The following CPQ variants were observed in gnomAD, a reference collection of about 807,000 sequenced individuals.
CPQ encodes Ser-Met dipeptidase.
Under a neutral mutation model 45.7 loss-of-function variants are expected in CPQ, and 37 were observed. The observed-to-expected ratio is 0.81, with a 90% CI of 0.62 to 1.07. The LOEUF (loss-of-function observed/expected upper bound fraction) is 1.07, where lower values mean the gene tolerates loss of function less well. Ranked by LOEUF, CPQ falls within the 50% of genes least tolerant of loss-of-function variation. CPQ has a pLI of 0.00. For missense variants in CPQ, 537 were observed against 572.9 expected, an observed-to-expected ratio of 0.94 and a Z score of 0.64; for synonymous variants, 186 against 205.8, an observed-to-expected ratio of 0.90 and a Z score of 0.82.
intron 2 of CPQ, among the ~76,000 whole-genome samples, chr8:96,810,133 G>T (rs572341126): frequency 6.6e-6 from 1 of 152,140 alleles, no homozygotes; most frequent in Non-Finnish European, 1.5e-5. Context: ...CCTTCTCCAA[G>T]AGCCTTCCCC....
intron 6 of CPQ, among the ~76,000 whole-genome samples, chr8:97,060,214 T>A (rs904873926): frequency 1.3e-5 from 2 of 152,154 alleles, no homozygotes; most frequent in Admixed American, 1.3e-4. Flanking sequence ...TCCTTGTGTT[T>A]ATATTAGGAA....
intron 1 of CPQ, among the ~76,000 whole-genome samples, chr8:96,743,364 G>C (rs552818043): frequency 0.042 from 6,381 of 151,098 alleles, 178 homozygotes; most frequent in Middle Eastern, 0.099. Context: ...GGTTATTCTA[G>C]TTATACATTC....
At chr8:96,808,135 T>A (rs962686702) in intron 2 of CPQ, among the ~76,000 whole-genome samples, 5 of 152,206 alleles carry the variant, frequency 3.3e-5, no homozygotes, top group Non-Finnish European at 2.9e-5. Context: ...TCTATTTAGT[T>A]TTTACCAAAC....
intron 4 of CPQ, among the ~76,000 whole-genome samples, chr8:96,897,730 A>T (rs1351246427): frequency 1.3e-5 from 2 of 152,262 alleles, no homozygotes; most frequent in Middle Eastern, 3.4e-3. Context: ...AAATTCCAAA[A>T]TCCAAACATT....
At chr8:97,130,947 C>T (rs1323474929) in intron 7 of CPQ, among the ~76,000 whole-genome samples, 2 of 152,086 alleles carry the variant, frequency 1.3e-5, no homozygotes, top group Non-Finnish European at 2.9e-5. Flanking sequence ...GTTAAAGAGG[C>T]TGCGTTGAGC....
At chr8:96,983,192 C>G (rs2853262) in intron 5 of CPQ, among the ~76,000 whole-genome samples, 150,564 of 152,288 alleles carry the variant, frequency 0.99, 74,546 homozygotes, top group Middle Eastern at 1. Flanking sequence ...ATTTACATAA[C>G]TGGTATTTTC....
intron 4 of CPQ, among the ~76,000 whole-genome samples, chr8:96,888,562 G>A (rs1335809583): frequency 6.6e-6 from 1 of 152,190 alleles, no homozygotes; most frequent in African/African-American, 2.4e-5. Flanking sequence ...CAGAGTAAGG[G>A]TGTTGCTGTT....
chr8:97,075,220 C>A (rs897256444), intron 7 of CPQ, among the ~76,000 whole-genome samples: 1 of 152,128 alleles, frequency 6.6e-6, no homozygotes, highest in Admixed American at 6.5e-5. Flanking sequence ...ACTATAATGA[C>A]CCATAAAACA....
chr8:96,967,512 T>A (rs934958275), intron 5 of CPQ, among the ~76,000 whole-genome samples: 2 of 152,216 alleles, frequency 1.3e-5, no homozygotes, highest in African/African-American at 4.8e-5. Flanking sequence ...CCTAAATCAC[T>A]GTTAATTGAA....
intron 2 of CPQ, among the ~76,000 whole-genome samples, chr8:96,816,250 C>G (rs754658008): frequency 6.6e-6 from 1 of 152,100 alleles, no homozygotes; most frequent in African/African-American, 2.4e-5. Context: ...TGTTCACACA[C>G]CTTCACCAGG....
rs144253826 is a variant in CPQ, at chr8:97,024,058, G to A, written c.962-5345G>A. Among the ~76,000 whole-genome samples the A allele has an allele frequency of 1.1e-3, 164 of 152,302 alleles. 6 individuals carry two copies. In the East Asian group the frequency reaches 0.026, roughly 24 times the overall value. The stretch of plus-strand genomic sequence containing the variant: ...GTGCCAGGCTGGCTGGTCTGGAGGC[G>A]CTTCTGGAGTTGGCCTCATGCTAGT... On this transcript the variant is annotated intron_variant, in intron 5 of 7. Coordinates refer to ENST00000220763, the MANE Select transcript of CPQ (RefSeq NM_016134.4).
rs1468197476 is a variant in CPQ at position 96,814,563 on chromosome 8, A to G, written c.434-20410A>G. ...ATACAATCTGTATCTGGATGTTTGC[A>G]TTTCTCTAAATCTTGCCCTCAACAT... On this transcript the variant is annotated intron_variant, in intron 2 of 7. Coordinates refer to ENST00000220763, the MANE Select transcript of CPQ (RefSeq NM_016134.4). 3.3e-5 allele frequency among the ~76,000 whole-genome samples: 5 copies of G among 152,308 alleles called. No individual in the cohort carries two copies. In the East Asian group the frequency reaches 9.7e-4, roughly 29 times the overall value.
chr8:96,774,337 A>T (rs563754093), intron 1 of CPQ, among the ~76,000 whole-genome samples: 1 of 152,190 alleles, frequency 6.6e-6, no homozygotes, highest in African/African-American at 2.4e-5. Context: ...AGCAAAATTC[A>T]TAACCATAAT....
At chr8:96,961,468 G>T (rs1173685103) in intron 4 of CPQ, among the ~76,000 whole-genome samples, 3 of 151,928 alleles carry the variant, frequency 2.0e-5, no homozygotes, top group African/African-American at 7.3e-5. Context: ...TATATATATT[G>T]TAAATGTCTT....
intron 7 of CPQ, among the ~76,000 whole-genome samples, chr8:97,087,978 T>C (rs1811068403): frequency 6.6e-6 from 1 of 152,138 alleles, no homozygotes; most frequent in Non-Finnish European, 1.5e-5. Context: ...TTGGAAATGC[T>C]TTTTTTATCA....
chr8:96,833,417 A>G (rs1196579146), intron 2 of CPQ, among the ~76,000 whole-genome samples: 2 of 152,184 alleles, frequency 1.3e-5, no homozygotes, highest in Non-Finnish European at 2.9e-5. Context: ...ATTTGGCTTC[A>G]TTTCTAGTGG....
chr8:96,992,049 A>G (rs1411670382), intron 5 of CPQ, among the ~76,000 whole-genome samples: 2 of 152,168 alleles, frequency 1.3e-5, no homozygotes, highest in African/African-American at 2.4e-5. Flanking sequence ...GATTGATTCT[A>G]TATCCCTTGA....
intron 7 of CPQ, among the ~76,000 whole-genome samples, chr8:97,123,203 ATAAAAAAT>A (rs1315878813): frequency 1.6e-5 from 2 of 128,012 alleles, no homozygotes; most frequent in South Asian, 2.6e-4. Context: ...ATAAAATAAA[ATAAAAAAT>A]AAAATAAAAT....
At chr8:96,729,290 T>A (rs1809880591) in intron 1 of CPQ, among the ~76,000 whole-genome samples, 1 of 152,178 alleles carries the variant, frequency 6.6e-6, no homozygotes, top group Admixed American at 6.6e-5. Context: ...CAATGCTGTC[T>A]TCTCCTGGAG....
Sources: allele counts gnomAD v4.1 joint callset (sites outside exome capture counted in the v4.1 genomes callset), GRCh38; gene constraint gnomAD v4.1.1; transcripts MANE v1.5; gene names NCBI Gene and HGNC (gene_info 2026-07-23, HGNC 2026-07-21).